Variants in SCG5 observed in about 807,000 individuals in gnomAD.
The protein encoded by SCG5 is secretogranin V, also known as neuroendocrine protein 7B2.
A neutral mutation model predicts 25.7 loss-of-function variants in SCG5; 18 were observed. The observed-to-expected ratio is 0.70, with a 90% CI of 0.48 to 1.04. The LOEUF (loss-of-function observed/expected upper bound fraction) is 1.04. SCG5 is among the 50% of genes least tolerant of loss of function. SCG5 has a pLI of 0.00. For missense variants in SCG5, 206 were observed against 259.8 expected (o/e 0.79, Z 1.42); for synonymous variants, 101 against 91.7 (o/e 1.10, Z -0.58).
chr15:32,663,021 TAAA>T (rs201146500), intron 2 of SCG5, among the ~76,000 whole-genome samples: 1 of 103,492 alleles, frequency 9.7e-6, no homozygotes, highest in Non-Finnish European at 1.9e-5. Flanking sequence ...TTAGGGCTGT[TAAA>T]AAAAAAGAAT....
intron 5 of SCG5, among the ~76,000 whole-genome samples, chr15:32,693,990 A>G (rs990993590): frequency 6.6e-6 from 1 of 152,124 alleles, no homozygotes; most frequent in African/African-American, 2.4e-5. Context: ...TGCTCCTGTT[A>G]TCTCAGGTAC....
intron 2 of SCG5, among the ~76,000 whole-genome samples, chr15:32,678,459 A>G (rs1417027035): frequency 6.6e-6 from 1 of 152,244 alleles, no homozygotes; most frequent in African/African-American, 2.4e-5. Context: ...TGGTAATCAA[A>G]GACATTCAAA....
intron 3 of SCG5, 58 bp from the exon 4 acceptor site, chr15:32,684,499 C>T (rs768290756): frequency 6.0e-5 from 65 of 1,085,766 alleles, no homozygotes; most frequent in Non-Finnish European, 8.7e-5. Context: ...GATAAATTAA[C>T]TCTTAGAATA....
intron 2 of SCG5, among the ~76,000 whole-genome samples, chr15:32,679,114 T>G (rs1373827191): frequency 3.9e-5 from 6 of 152,182 alleles, no homozygotes; most frequent in Non-Finnish European, 8.8e-5. Flanking sequence ...CCCATCTGTG[T>G]TGATGCCACT....
intron 2 of SCG5, among the ~76,000 whole-genome samples, chr15:32,660,288 G>A (rs1370411561): frequency 1.3e-5 from 2 of 152,158 alleles, no homozygotes; most frequent in Non-Finnish European, 1.5e-5. Context: ...CCAGATCCGT[G>A]ACTCTGACGA....
chr15:32,663,028 AAAGAATATATATATATATATAT>A (rs2054248061), intron 2 of SCG5, among the ~76,000 whole-genome samples: 1 of 98,062 alleles, frequency 1.0e-5, no homozygotes, highest in Non-Finnish European at 2.0e-5. Context: ...TGTTAAAAAA[AAAGAATATATATATATATATAT>A]ATATATATAT....
intron 2 of SCG5, among the ~76,000 whole-genome samples, chr15:32,667,110 T>TCA: frequency 1.7e-4 from 1 of 5,820 alleles, no homozygotes; most frequent in Middle Eastern, 0.1. Context: ...GGATTAAAAA[T>TCA]TATTTAATTT....
intron 2 of SCG5, among the ~76,000 whole-genome samples, chr15:32,657,209 A>ATATATATATATATATATATGTATATATG: frequency 2.6e-5 from 1 of 38,726 alleles, no homozygotes; most frequent in African/African-American, 5.8e-5. Flanking sequence ...GTATATATAT[A>ATATATATATATATATATATGTATATATG]TATGTATGTA....
At chr15:32,696,489 T>G in intron 5 of SCG5, 25 bp from the exon 6 acceptor site, 1 of 1,510,108 alleles carries the variant, frequency 6.6e-7, no homozygotes. Flanking sequence ...CCAAACCACA[T>G]GGTTTTTGTT....
chr15:32,658,102 C>T (rs1166786750), intron 2 of SCG5, among the ~76,000 whole-genome samples: 1 of 152,202 alleles, frequency 6.6e-6, no homozygotes, highest in South Asian at 2.1e-4. Flanking sequence ...CATGCAGTGC[C>T]GCACCCCAGT....
At chr15:32,664,546 C>A (rs1310089723) in intron 2 of SCG5, among the ~76,000 whole-genome samples, 2 of 152,186 alleles carry the variant, frequency 1.3e-5, no homozygotes, top group Non-Finnish European at 2.9e-5. Context: ...AGGCCTGAAA[C>A]TCATGCAATT....
At chr15:32,671,254 T>A (rs919973592) in intron 2 of SCG5, among the ~76,000 whole-genome samples, 1 of 152,172 alleles carries the variant, frequency 6.6e-6, no homozygotes, top group African/African-American at 2.4e-5. Flanking sequence ...TTGCTTTTCA[T>A]AAATAGGTTT....
At chr15:32,643,974 T>G (rs1182615363) in intron 2 of SCG5, among the ~76,000 whole-genome samples, 156 bp downstream of exon 2, 1 of 152,220 alleles carries the variant, frequency 6.6e-6, no homozygotes, top group Non-Finnish European at 1.5e-5. Context: ...TTCTCATGGT[T>G]TTCCCTTTCT....
intron 5 of SCG5, among the ~76,000 whole-genome samples, chr15:32,692,908 G>A (rs372820176): frequency 6.6e-6 from 1 of 152,138 alleles, no homozygotes; most frequent in Admixed American, 6.6e-5. Context: ...TTTTCTACGC[G>A]AGAAGTAGAA....
chr15:32,673,967 C>T (rs1203602433), intron 2 of SCG5, among the ~76,000 whole-genome samples: 5 of 152,154 alleles, frequency 3.3e-5, no homozygotes, highest in Non-Finnish European at 7.3e-5. Context: ...GATCCACCCG[C>T]CTCTGCCTCC....
intron 2 of SCG5, among the ~76,000 whole-genome samples, chr15:32,675,207 G>A (rs763190828): frequency 1.2e-4 from 18 of 152,184 alleles, no homozygotes; most frequent in Non-Finnish European, 2.4e-4. Flanking sequence ...TCACAGGACA[G>A]GATTAATTAA....
chr15:32,669,078 CT>C (rs1163625940), intron 2 of SCG5: 1 of 152,236 alleles, frequency 6.6e-6, no homozygotes, highest in Non-Finnish European at 1.5e-5. Flanking sequence ...GAAGTCACTA[CT>C]TTAAGAGAAT....
At chr15:32,663,500 C>G (rs2140530627) in intron 2 of SCG5, among the ~76,000 whole-genome samples, 1 of 152,182 alleles carries the variant, frequency 6.6e-6, no homozygotes, top group East Asian at 1.9e-4. Context: ...ATCAGGGTAT[C>G]CAGATAGACT....
intron 2 of SCG5, among the ~76,000 whole-genome samples, chr15:32,663,896 C>G (rs1487367914): frequency 6.6e-6 from 1 of 152,214 alleles, no homozygotes; most frequent in Non-Finnish European, 1.5e-5. Context: ...TGGTTTATGT[C>G]AGACTATCAT....
Sources: gnomAD v4.1 joint callset for allele counts (sites outside exome capture counted in the v4.1 genomes callset) on GRCh38, gnomAD v4.1.1 for gene constraint, MANE v1.5 for transcripts, NCBI Gene and HGNC (gene_info 2026-07-23, HGNC 2026-07-21) for gene names.